DACH1: variants seen among roughly 807,000 people sequenced by gnomAD.
DACH1 encodes dachshund family transcription factor 1, also known as dachshund homolog 1.
Under a neutral mutation model 54.2 loss-of-function variants are expected in DACH1, and 12 were observed. The observed-to-expected ratio is 0.22, with a 90% CI of 0.14 to 0.36. The LOEUF is 0.36. Ranked by LOEUF, DACH1 falls within the 10% of genes least tolerant of loss-of-function variation. The pLI is 1.00. For missense variants in DACH1, 805 were observed against 929.8 expected, an observed-to-expected ratio of 0.87 and a Z score of 1.75; for synonymous variants, 386 against 366.2, an observed-to-expected ratio of 1.05 and a Z score of -0.62.
At chr13:71,440,781 T>G in intron 10 of DACH1, 89 bp from the exon 11 acceptor site, 1 of 1,097,964 alleles carries the variant, frequency 9.1e-7, no homozygotes, top group East Asian at 2.5e-5. Context: ...ATATAAAATT[T>G]GTAGTTTTTA....
intron 2 of DACH1, among the ~76,000 whole-genome samples, chr13:71,634,525 T>C (rs1487372797): frequency 6.6e-6 from 1 of 152,200 alleles, no homozygotes; most frequent in East Asian, 1.9e-4. Context: ...GCCCTCTATG[T>C]CCTGGCCCCG....
intron 1 of DACH1, among the ~76,000 whole-genome samples, chr13:71,779,196 CGTATATATGT>C (rs1199545151): frequency 8.5e-6 from 1 of 117,714 alleles, no homozygotes; most frequent in African/African-American, 3.8e-5. Flanking sequence ...TACGTATATA[CGTATATATGT>C]GTATATATAT....
intron 1 of DACH1, among the ~76,000 whole-genome samples, chr13:71,731,125 C>T (rs181453663): frequency 6.6e-6 from 1 of 152,072 alleles, no homozygotes; most frequent in East Asian, 1.9e-4. Context: ...GGAAAGCTCT[C>T]TCTGTAATAT....
intron 1 of DACH1, among the ~76,000 whole-genome samples, chr13:71,847,366 T>C (rs568968687): frequency 1.4e-4 from 21 of 152,308 alleles, no homozygotes; most frequent in Admixed American, 2.6e-4. Flanking sequence ...AACAAAATTC[T>C]TATAAGTCTA....
intron 1 of DACH1, chr13:71,704,629 C>T (rs759424148): frequency 1.5e-5 from 6 of 406,528 alleles, no homozygotes; most frequent in African/African-American, 4.3e-5. Flanking sequence ...GCTGCTGGAA[C>T]CTCTTCCCTG....
intron 1 of DACH1, among the ~76,000 whole-genome samples, chr13:71,733,184 C>A (rs566173463): frequency 6.6e-6 from 1 of 152,098 alleles, no homozygotes; most frequent in African/African-American, 2.4e-5. Context: ...TTTTTTGAGA[C>A]GGAGTCTCAT....
chr13:71,544,394 T>TAC (rs1883332921), intron 6 of DACH1, among the ~76,000 whole-genome samples: 1 of 152,180 alleles, frequency 6.6e-6, no homozygotes, highest in South Asian at 2.1e-4. Flanking sequence ...AACAATGTCC[T>TAC]ACGTCCTTTT....
At chr13:71,720,401 A>G (rs1373794516) in intron 1 of DACH1, among the ~76,000 whole-genome samples, 2 of 152,200 alleles carry the variant, frequency 1.3e-5, no homozygotes, top group Non-Finnish European at 2.9e-5. Flanking sequence ...TTTCTCTCTC[A>G]GAAATATATA....
intron 1 of DACH1, among the ~76,000 whole-genome samples, chr13:71,838,131 A>T (rs1888871555): frequency 6.6e-6 from 1 of 152,004 alleles, no homozygotes; most frequent in East Asian, 1.9e-4. Flanking sequence ...GTGTAAGAGA[A>T]ATATAAACTC....
chr13:71,735,250 GAT>G (rs1370343279), intron 1 of DACH1, among the ~76,000 whole-genome samples: 1 of 116,472 alleles, frequency 8.6e-6, no homozygotes, highest in Admixed American at 9.3e-5. Flanking sequence ...ACGTATATGG[GAT>G]ATACGTGTAT....
At chr13:71,542,668 C>G (rs1883212779) in intron 6 of DACH1, among the ~76,000 whole-genome samples, 1 of 152,074 alleles carries the variant, frequency 6.6e-6, no homozygotes, top group African/African-American at 2.4e-5. Context: ...ACTGAAAATA[C>G]ATGAGTGTTT....
chr13:71,725,779 T>C (rs935375278), intron 1 of DACH1, among the ~76,000 whole-genome samples: 5 of 152,032 alleles, frequency 3.3e-5, no homozygotes, highest in Non-Finnish European at 5.9e-5. Flanking sequence ...TGAAAATAAA[T>C]AATACAGTAT....
intron 7 of DACH1, among the ~76,000 whole-genome samples, chr13:71,480,653 G>T (rs1445267440): frequency 6.6e-6 from 1 of 152,130 alleles, no homozygotes; most frequent in African/African-American, 2.4e-5. Flanking sequence ...GTTAAAATGA[G>T]ATGAAAGTTG....
chr13:71,857,504 T>C (rs1457174394), intron 1 of DACH1, among the ~76,000 whole-genome samples: 2 of 151,680 alleles, frequency 1.3e-5, no homozygotes, highest in Admixed American at 6.6e-5. Context: ...CATATACATG[T>C]ATGTAAAGGC....
chr13:71,753,534 T>C (rs74099124), intron 1 of DACH1, among the ~76,000 whole-genome samples: 2,564 of 152,264 alleles, frequency 0.017, 69 homozygotes, highest in African/African-American at 0.057. Flanking sequence ...TACCAAGATA[T>C]ATAAATAACG....
chr13:71,498,537 G>A (rs1879634793), intron 6 of DACH1, among the ~76,000 whole-genome samples: 1 of 151,992 alleles, frequency 6.6e-6, no homozygotes, highest in African/African-American at 2.4e-5. Context: ...TTTTTTAAAT[G>A]CATGCATTTA....
chr13:71,743,422 T>A (rs1174589366), intron 1 of DACH1, among the ~76,000 whole-genome samples: 1 of 152,226 alleles, frequency 6.6e-6, no homozygotes, highest in Non-Finnish European at 1.5e-5. Flanking sequence ...TACAGCAGAA[T>A]CAGGACTGCT....
intron 10 of DACH1, among the ~76,000 whole-genome samples, chr13:71,459,595 T>G (rs1384026536): frequency 1.3e-5 from 2 of 151,810 alleles, no homozygotes; most frequent in Non-Finnish European, 2.9e-5. Flanking sequence ...CAAAGGGAGA[T>G]GAGAAAAGCT....
At chr13:71,596,534 A>G (rs1173552918) in intron 3 of DACH1, among the ~76,000 whole-genome samples, 2 of 152,246 alleles carry the variant, frequency 1.3e-5, no homozygotes, top group African/African-American at 4.8e-5. Flanking sequence ...TGACTTACAG[A>G]AAGCATATAA....
Sources: allele counts gnomAD v4.1 joint callset (sites outside exome capture counted in the v4.1 genomes callset), GRCh38; gene constraint gnomAD v4.1.1; transcripts MANE v1.5; gene names NCBI Gene and HGNC (gene_info 2026-07-23, HGNC 2026-07-21).